TNRC6B: variants seen among roughly 807,000 people sequenced by gnomAD.
The protein encoded by TNRC6B is trinucleotide repeat-containing gene 6B protein.
Under a neutral mutation model 203.6 loss-of-function variants are expected in TNRC6B, and 52 were observed. That is an observed-to-expected ratio of 0.26 (90% CI 0.20 to 0.32). TNRC6B has a LOEUF of 0.32. Ranked by LOEUF, TNRC6B falls within the 10% of genes least tolerant of loss-of-function variation. The pLI is 1.00. For missense variants in TNRC6B, 1,923 were observed against 2,286.2 expected (o/e 0.84, Z 3.24); for synonymous variants, 838 against 845.7 (o/e 0.99, Z 0.16).
chr22:40,217,318 G>A (rs1447825195), intron 1 of TNRC6B, among the ~76,000 whole-genome samples: 2 of 152,194 alleles, frequency 1.3e-5, no homozygotes. Context: ...ACCATAAAAT[G>A]TAGTGCTGAA....
chr22:40,113,668 T>C (rs779959400), intron 1 of TNRC6B, among the ~76,000 whole-genome samples: 1 of 152,214 alleles, frequency 6.6e-6, no homozygotes, highest in Non-Finnish European at 1.5e-5. Flanking sequence ...CCTTAAACTT[T>C]TGATATTATT....
intron 1 of TNRC6B, among the ~76,000 whole-genome samples, chr22:40,048,940 C>T (rs373287281): frequency 9.2e-5 from 14 of 152,166 alleles, no homozygotes; most frequent in African/African-American, 2.6e-4. Flanking sequence ...CCGCTCCCCC[C>T]TCCCAACTTC....
At chr22:40,173,794 T>TATATATAA (rs201025367), upstream of TNRC6B, among the ~76,000 whole-genome samples, 1 of 31,452 alleles carries the variant, frequency 3.2e-5, no homozygotes, top group Non-Finnish European at 4.8e-5. Context: ...TATATATATA[T>TATATATAA]TTTTTTTTTT....
chr22:40,175,072 T>C (rs1184106663), upstream of TNRC6B, among the ~76,000 whole-genome samples: 1 of 152,022 alleles, frequency 6.6e-6, no homozygotes, highest in Non-Finnish European at 1.5e-5. Flanking sequence ...GAAAAAATAT[T>C]CAGTGGCCGG....
intron 1 of TNRC6B, among the ~76,000 whole-genome samples, chr22:40,193,949 C>T (rs1394833125): frequency 6.6e-6 from 1 of 152,048 alleles, no homozygotes; most frequent in Non-Finnish European, 1.5e-5. Context: ...TTGCAGTGAT[C>T]TGTGGCTGTG....
At chr22:40,103,267 CAAAA>C (rs781514140) in intron 1 of TNRC6B, among the ~76,000 whole-genome samples, 4 of 124,494 alleles carry the variant, frequency 3.2e-5, no homozygotes, top group African/African-American at 8.8e-5. Context: ...CACCCTGTCT[CAAAA>C]AAAAAAAAAA....
At chr22:40,272,440 A>G (rs1395887228) in intron 6 of TNRC6B, among the ~76,000 whole-genome samples, 2 of 152,194 alleles carry the variant, frequency 1.3e-5, no homozygotes, top group South Asian at 4.1e-4. Flanking sequence ...GGAAGAGCCA[A>G]TTTTCTGCCC....
At chr22:40,129,219 G>C (rs1215726525) in intron 3 of TNRC6B, among the ~76,000 whole-genome samples, 1 of 152,222 alleles carries the variant, frequency 6.6e-6, no homozygotes, top group Non-Finnish European at 1.5e-5. Flanking sequence ...CAGAGACCTT[G>C]CAAGACCTCA....
chr22:40,312,470 C>T (rs2071197714), intron 17 of TNRC6B, 35 bp from the exon 18 acceptor site: 2 of 1,575,330 alleles, frequency 1.3e-6, no homozygotes, highest in South Asian at 2.4e-5. Context: ...TTTTTAACGA[C>T]CTTCCTTCTC....
At chr22:40,173,589 T>C (rs2069025128), upstream of TNRC6B, among the ~76,000 whole-genome samples, 1 of 149,592 alleles carries the variant, frequency 6.7e-6, no homozygotes, top group Non-Finnish European at 1.5e-5. Flanking sequence ...ACTTTTTTTA[T>C]TTTTTTGTAG....
chr22:40,063,297 A>G (rs1205331591), intron 1 of TNRC6B, among the ~76,000 whole-genome samples: 1 of 152,192 alleles, frequency 6.6e-6, no homozygotes. Context: ...TCTTTATGCC[A>G]TTACCACAAT....
chr22:40,295,190 GA>G (rs1302518594), intron 12 of TNRC6B, among the ~76,000 whole-genome samples: 1 of 152,076 alleles, frequency 6.6e-6, no homozygotes, highest in Non-Finnish European at 1.5e-5. Context: ...TCAAAGAAAA[GA>G]TGGGCCAAGC....
At chr22:40,113,154 G>A (rs1173803284) in intron 1 of TNRC6B, among the ~76,000 whole-genome samples, 5 of 152,014 alleles carry the variant, frequency 3.3e-5, no homozygotes, top group Non-Finnish European at 5.9e-5. Context: ...GAGGAGGAGC[G>A]CAATAGCTAG....
At chr22:40,238,081 T>C (rs1194982351) in intron 1 of TNRC6B, among the ~76,000 whole-genome samples, 1 of 152,172 alleles carries the variant, frequency 6.6e-6, no homozygotes, top group Non-Finnish European at 1.5e-5. Flanking sequence ...AAAGTGTTGC[T>C]CACTCTTTAA....
At chr22:40,048,097 A>G (rs1400924998) in intron 1 of TNRC6B, among the ~76,000 whole-genome samples, 1 of 152,174 alleles carries the variant, frequency 6.6e-6, no homozygotes, top group East Asian at 1.9e-4. Flanking sequence ...TTCTACTATC[A>G]TGTTTGAGCT....
At position 40,288,944 on chromosome 22, in the gene TNRC6B, G is replaced by A. The variant is rs1373080439; in HGVS notation, c.3708+3174G>A. Among the ~76,000 whole-genome samples the A allele has an allele frequency of 2.0e-5, 3 of 150,216 alleles. No homozygotes were observed. In the East Asian group the frequency reaches 5.9e-4, roughly 30 times the overall value. ...TTCTTGTGCCTCAGCCTCCTGAGTA[G>A]CTAGGATTACAAGCATGCGCCACCA... On this transcript the variant is annotated intron_variant, in intron 12 of 22. Transcript: ENST00000454349.
At chr22:40,224,557 T>C (rs1354575663) in intron 1 of TNRC6B, among the ~76,000 whole-genome samples, 1 of 152,236 alleles carries the variant, frequency 6.6e-6, no homozygotes, top group African/African-American at 2.4e-5. Context: ...ATAATACTTG[T>C]TTTGAAGCAT....
intron 1 of TNRC6B, among the ~76,000 whole-genome samples, chr22:40,219,956 G>A (rs2069685742): frequency 6.6e-6 from 1 of 152,182 alleles, no homozygotes; most frequent in Non-Finnish European, 1.5e-5. Context: ...CGTGGCCTAT[G>A]GAGGACACTA....
At chr22:40,110,807 G>T (rs2068325626) in intron 1 of TNRC6B, among the ~76,000 whole-genome samples, 1 of 152,180 alleles carries the variant, frequency 6.6e-6, no homozygotes, top group African/African-American at 2.4e-5. Flanking sequence ...GTAGTACACT[G>T]CCCTCATAGA....
Sources: gnomAD v4.1 joint callset for allele counts (sites outside exome capture counted in the v4.1 genomes callset) on GRCh38, gnomAD v4.1.1 for gene constraint, MANE v1.5 for transcripts, NCBI Gene and HGNC (gene_info 2026-07-23, HGNC 2026-07-21) for gene names.